Variants in ANO2 observed in about 807,000 individuals in gnomAD.
ANO2 encodes the protein anoctamin-2.
Under a neutral mutation model 124.2 loss-of-function variants are expected in ANO2, and 101 were observed. The ratio of observed to expected loss-of-function variants is 0.81; its 90% CI spans 0.69 to 0.96. The LOEUF (loss-of-function observed/expected upper bound fraction) is 0.96, where lower values mean the gene tolerates loss of function less well. Among genes scored for constraint, ANO2 ranks in the 40% least tolerant of loss-of-function variants. The pLI is 0.00. For synonymous variants in ANO2, 486 were observed against 482.5 expected (o/e 1.01, Z -0.09); for missense variants, 1,293 against 1,274.5 (o/e 1.01, Z -0.22).
At position 5,599,634 on chromosome 12, in the gene ANO2, A is replaced by G. The variant is rs1480662087; in HGVS notation, c.2088-5T>C. 3 of 1,613,372 alleles carry G rather than the reference A, an allele frequency of 1.9e-6. No homozygotes were observed. ...CGAAATAGTTTCTTTAGCTTCCTGG[A>G]AAAGAAATGGATTAAGTTACAAAAA... On this transcript the variant is annotated splice_region_variant and splice_polypyrimidine_tract_variant and intron_variant, in intron 19 of 24. Transcript: ENST00000682330.
intron 3 of ANO2, among the ~76,000 whole-genome samples, chr12:5,915,042 ACT>A (rs1941300094): frequency 6.6e-6 from 1 of 151,720 alleles, no homozygotes; most frequent in African/African-American, 2.4e-5. Context: ...ACTACAGGAA[ACT>A]CTCTGGACGC....
At position 5,925,745 on chromosome 12, in the gene ANO2, C is replaced by A. The variant is rs1435933098; in HGVS notation, c.23-2941G>T. On this transcript the variant is annotated intron_variant, in intron 1 of 24. Transcript: ENST00000682330. This position sits in a 1 kb window ranked among gnomAD's most constrained non-coding sequence, Gnocchi z 4.6. ...TTGCCTTGGCTCTCCTTCCACGCTGCCTTGAACAACAGATCCTTGGGTGTT... is the reference window on the plus strand; with the variant it reads ...TTGCCTTGGCTCTCCTTCCACGCTGACTTGAACAACAGATCCTTGGGTGTT... 1.3e-5 allele frequency among the ~76,000 whole-genome samples: 2 copies of A among 152,248 alleles called. No homozygotes were observed. Among genetic ancestry groups the A allele is most frequent in the East Asian group, 1.9e-4 (1 of 5,194 alleles).
chr12:5,830,359 A>C, intron 6 of ANO2, 76 bp downstream of exon 6: 1 of 1,452,288 alleles, frequency 6.9e-7, no homozygotes, highest in Non-Finnish European at 9.5e-7. Context: ...CAGGGAGGGT[A>C]AGAGAATGCC....
intron 3 of ANO2, among the ~76,000 whole-genome samples, chr12:5,854,416 AAAAAC>A (rs1955030833): frequency 6.6e-6 from 1 of 151,594 alleles, no homozygotes; most frequent in South Asian, 2.1e-4. Flanking sequence ...AAAAAAAAAA[AAAAAC>A]AAGTTAAAAC....
chr12:5,922,728 A>C lies in ANO2; in HGVS notation c.99T>G (p.His33Gln). The stretch of plus-strand genomic sequence containing the variant: ...CTGGCATCTTGAGACACTGCTGTCC[A>C]TGTTTGGGGCCCTGGCCCCCTCTGG... Reference protein sequence around the residue: ...AGSRGGQGPKHGQQCLKMPGP... With the variant: ...AGSRGGQGPKQGQQCLKMPGP... The change falls in exon 2 of 25, where the codon CAT becomes CAG. Residue 33 changes from histidine (H) to glutamine (Q), a missense_variant. Physicochemically the swap from His to Gln is conservative, Grantham distance 24. Transcript: ENST00000682330. The C allele has an allele frequency of 6.2e-7, 1 of 1,600,280 alleles. No individual in the cohort carries two copies. Among genetic ancestry groups the C allele is most frequent in the Non-Finnish European group, 8.5e-7 (1 of 1,174,606 alleles).
intron 22 of ANO2, 27 bp downstream of exon 22, chr12:5,577,928 G>A (rs763971202): frequency 5.0e-6 from 8 of 1,609,124 alleles, no homozygotes; most frequent in African/African-American, 2.7e-5. Context: ...CCCACAGAGC[G>A]AGTGTGTCAT....
intron 3 of ANO2, among the ~76,000 whole-genome samples, chr12:5,884,028 G>A (rs139276339): frequency 6.6e-6 from 1 of 152,268 alleles, no homozygotes; most frequent in African/African-American, 2.4e-5. Flanking sequence ...TGTGGCCCAA[G>A]GTCACACAGG....
chr12:5,631,129 T>C (rs1199401650), intron 16 of ANO2, among the ~76,000 whole-genome samples: 1 of 152,182 alleles, frequency 6.6e-6, no homozygotes, highest in African/African-American at 2.4e-5. Flanking sequence ...ATGAATTTAT[T>C]ACCCCAGCAG....
At chr12:5,705,940 T>C (rs1949591255) in intron 14 of ANO2, among the ~76,000 whole-genome samples, 1 of 152,194 alleles carries the variant, frequency 6.6e-6, no homozygotes, top group East Asian at 1.9e-4. Context: ...CACAAAGCCC[T>C]GTGGCTTGGG....
chr12:5,771,405 T>C (rs1410334463), intron 10 of ANO2, among the ~76,000 whole-genome samples: 1 of 152,190 alleles, frequency 6.6e-6, no homozygotes, highest in East Asian at 1.9e-4. Context: ...TAATGTAGAT[T>C]TAAGCCTCCC....
chr12:5,920,524 G>A (rs1424986364), intron 3 of ANO2, among the ~76,000 whole-genome samples: 1 of 152,008 alleles, frequency 6.6e-6, no homozygotes, highest in African/African-American at 2.4e-5. Flanking sequence ...CCCTAATCAG[G>A]ACCACTAGCA....
intron 11 of ANO2, 101 bp downstream of exon 11, chr12:5,750,735 G>T: frequency 8.2e-7 from 1 of 1,219,392 alleles, no homozygotes; most frequent in Non-Finnish European, 1.1e-6. Context: ...GATAGAGGGT[G>T]AGGGCTTTGG....
chr12:5,925,462 C>A lies in ANO2; in HGVS notation c.23-2658G>T, dbSNP rs1942039894. ...AGCACAGCACACGGTTCAGCCATCC[C>A]AGCCGTCCCAGCTCTGGAGAGGCAC... On this transcript the variant is annotated intron_variant, in intron 1 of 24. Coordinates refer to ENST00000682330, the MANE Select transcript of ANO2 (RefSeq NM_001364791.2). The surrounding 1 kb of genome is among the most constrained non-coding windows in gnomAD (Gnocchi z 4.6). Among the ~76,000 whole-genome samples the A allele has an allele frequency of 6.6e-6, 1 of 152,154 alleles. No individual in the cohort carries two copies. The highest frequency in any genetic ancestry group is 2.4e-5 in the African/African-American group (1 of 41,438).
chr12:5,757,921 C>T lies in ANO2; in HGVS notation c.1056-6951G>A, dbSNP rs183250629. ...GACAGAGTGTAATAACTGGAAGCTT[C>T]AAACACAAGAGCAGTTTGCCCTTAT... On this transcript the variant is annotated intron_variant, in intron 10 of 24. Transcript: ENST00000682330. 4.6e-5 allele frequency among the ~76,000 whole-genome samples: 7 copies of T among 152,260 alleles called. No individual in the cohort carries two copies. In the South Asian group the frequency reaches 1.2e-3, roughly 27 times the overall value.
In ANO2 at chr12:5,628,701, C is replaced by T. The variant is rs544535927; in HGVS notation, c.1816+6451G>A. On this transcript the variant is annotated intron_variant, in intron 16 of 24. Transcript: ENST00000682330. ...GTGTGTGTGTGTGCGCGCGCGCACG[C>T]GTGCGTGCACATGTGCATGCATGCA... Among the ~76,000 whole-genome samples, 10 of 152,058 alleles carry T rather than the reference C, an allele frequency of 6.6e-5. No homozygotes were observed. In the South Asian group the frequency reaches 8.3e-4, roughly 13 times the overall value.
At position 5,779,866 on chromosome 12, in the gene ANO2, A is replaced by C. The variant is rs1034186554; in HGVS notation, c.1055+19641T>G. Among the ~76,000 whole-genome samples the C allele has an allele frequency of 7.9e-5, 12 of 152,252 alleles. 1 individual carries two copies. The highest frequency in any genetic ancestry group is 2.9e-4 in the African/African-American group (12 of 41,466). ...AAAATTTCAATGTCATGAAAGACGAAGAAAGGATTCCAGATTGAAGGAGGC... is the reference window on the plus strand; with the variant it reads ...AAAATTTCAATGTCATGAAAGACGACGAAAGGATTCCAGATTGAAGGAGGC... On this transcript the variant is annotated intron_variant, in intron 10 of 24. Transcript: ENST00000682330.
At chr12:5,870,766 AAG>A (rs747194143) in intron 3 of ANO2, among the ~76,000 whole-genome samples, 6 of 152,202 alleles carry the variant, frequency 3.9e-5, no homozygotes, top group Non-Finnish European at 5.9e-5. Context: ...TCCCTGCTGA[AAG>A]AGAAATGCAG....
intron 3 of ANO2, among the ~76,000 whole-genome samples, chr12:5,916,647 G>C (rs1565776636): frequency 6.8e-6 from 1 of 147,218 alleles, no homozygotes; most frequent in Non-Finnish European, 1.5e-5. Flanking sequence ...GAATGGGGTA[G>C]ATGGAAACTC....
chr12:5,690,070 A>G (rs897580955), intron 14 of ANO2, among the ~76,000 whole-genome samples: 4 of 152,062 alleles, frequency 2.6e-5, no homozygotes, highest in East Asian at 1.9e-4. Flanking sequence ...GGCAAAGTCA[A>G]TTCTCCAGTG....
Sources: allele counts gnomAD v4.1 joint callset (sites outside exome capture counted in the v4.1 genomes callset), GRCh38; gene constraint gnomAD v4.1.1; non-coding constraint Gnocchi (gnomAD v3.1); transcripts MANE v1.5; gene names NCBI Gene and HGNC (gene_info 2026-07-23, HGNC 2026-07-21).